The following HK1 variants were observed in gnomAD, a reference collection of about 807,000 sequenced individuals.
HK1 encodes hexokinase 1.
A neutral mutation model predicts 91.6 loss-of-function variants in HK1; 28 were observed. That is an observed-to-expected ratio of 0.31 (90% CI 0.23 to 0.42). HK1 has a LOEUF of 0.42. Ranked by LOEUF, HK1 falls within the 10% of genes least tolerant of loss-of-function variation. HK1 has a pLI of 1.00. For synonymous variants in HK1, 430 were observed against 468.1 expected (o/e 0.92, Z 1.05); for missense variants, 770 against 1,219.8 (o/e 0.63, Z 5.49).
chr10:69,358,239 C>T (rs891523313), intron 2 of HK1, among the ~76,000 whole-genome samples: 4 of 152,108 alleles, frequency 2.6e-5, no homozygotes, highest in African/African-American at 4.8e-5. Context: ...CTGGGAGCAT[C>T]GTGAGGATAA....
chr10:69,295,299 C>T (rs1009165706), intron 3 of HK1, among the ~76,000 whole-genome samples: 2 of 152,200 alleles, frequency 1.3e-5, no homozygotes, highest in African/African-American at 4.8e-5. Flanking sequence ...TACTGACCGG[C>T]ACATCTGTCT....
chr10:69,289,621 G>A lies in HK1; in HGVS notation c.-115+851G>A, dbSNP rs563529937. ...CTAGTAGCTGAAATTACAGGCGTGC[G>A]CCACCATGCCTGGCTAATTTTGTAT... On this transcript the variant is annotated intron_variant, in intron 3 of 21. Coordinates refer to the HK1 transcript ENST00000360289. Among the ~76,000 whole-genome samples, 9 of 151,466 alleles carry A rather than the reference G, an allele frequency of 5.9e-5. No homozygotes were observed. The South Asian group carries it at 1.7e-3, about 28-fold the overall frequency.
rs1846829306 is a variant in HK1 at position 69,318,898 on chromosome 10, G to A, written c.-50G>A. ...GAGGACCACGGCTCGCCAGGGCTGC[G>A]GAGGACCGACCGTCCCCACGCCTGC... On this transcript the variant is annotated 5_prime_UTR_variant, in exon 1 of 18. Transcript: ENST00000359426. 1.3e-6 allele frequency: 2 copies of A among 1,550,660 alleles called. No homozygotes were observed. The highest frequency in any genetic ancestry group is 1.7e-6 in the Non-Finnish European group (2 of 1,149,756).
intron 1 of HK1, 108 bp downstream of exon 1, chr10:69,319,118 CA>C: frequency 7.6e-7 from 1 of 1,321,774 alleles, no homozygotes. Flanking sequence ...TTCTCCGGGC[CA>C]GCATCGAGTT....
intron 4 of HK1, among the ~76,000 whole-genome samples, chr10:69,297,134 AT>A (rs1845605826): frequency 6.6e-6 from 1 of 152,252 alleles, no homozygotes; most frequent in Non-Finnish European, 1.5e-5. Context: ...AGCCTTACTG[AT>A]AACATAAAGT....
chr10:69,377,391 C>G (rs904351342), intron 8 of HK1, among the ~76,000 whole-genome samples: 5 of 151,324 alleles, frequency 3.3e-5, no homozygotes, highest in Admixed American at 3.3e-4. Flanking sequence ...TCCACACACA[C>G]TCAGGGTAAG....
At position 69,377,024 on chromosome 10, in the gene HK1, G is replaced by A. The variant is rs781372387; in HGVS notation, c.966G>A (p.Gly322=). 1.2e-5 allele frequency: 19 copies of A among 1,614,056 alleles called. No homozygotes were observed. In the East Asian group the frequency reaches 1.6e-4, roughly 13 times the overall value. ...CCAAGGAGGGCCTCTTATTTGAAGGGCGGATCACCCCGGAGCTGCTCACCC... is the reference window on the plus strand; with the variant it reads ...CCAAGGAGGGCCTCTTATTTGAAGGACGGATCACCCCGGAGCTGCTCACCC... The part of the protein sequence containing the change: ...KMAKEGLLFE[G]RITPELLTRG... The change falls in exon 8 of 18, where the codon GGG becomes GGA. Residue 322 remains glycine, a synonymous_variant. Coordinates refer to ENST00000359426, the MANE Select transcript of HK1 (RefSeq NM_000188.3).
upstream of HK1, among the ~76,000 whole-genome samples, chr10:69,311,157 ATTAGAC>A (rs1226930463): frequency 6.6e-6 from 1 of 152,082 alleles, no homozygotes; most frequent in Non-Finnish European, 1.5e-5. Flanking sequence ...AATGTTTCTT[ATTAGAC>A]TTAGAGAGTC....
chr10:69,335,613 C>T (rs902590933), intron 1 of HK1, among the ~76,000 whole-genome samples: 4 of 152,242 alleles, frequency 2.6e-5, no homozygotes, highest in Non-Finnish European at 5.9e-5. Context: ...GTTGAGGAAC[C>T]TCCTGGCCAC....
At chr10:69,317,387 A>G (rs936311830), upstream of HK1, among the ~76,000 whole-genome samples, 6 of 152,302 alleles carry the variant, frequency 3.9e-5, no homozygotes, top group East Asian at 1.2e-3. Context: ...TGACCTGGAC[A>G]GGAAGCTGGG....
intron 2 of HK1, among the ~76,000 whole-genome samples, chr10:69,355,808 CG>C (rs1443733559): frequency 2.0e-5 from 3 of 148,754 alleles, no homozygotes; most frequent in African/African-American, 7.4e-5. Context: ...GACTTTGTCT[CG>C]AAAAAAAAAA....
intron 10 of HK1, 98 bp downstream of exon 10, chr10:69,382,889 G>T (rs1295598973): frequency 1.7e-6 from 2 of 1,143,104 alleles, no homozygotes; most frequent in Non-Finnish European, 2.6e-6. Flanking sequence ...CCTTCACACT[G>T]GTGATGCACG....
intron 4 of HK1, 114 bp downstream of exon 4, chr10:69,365,016 T>C (rs568702813): frequency 7.1e-5 from 85 of 1,201,622 alleles, no homozygotes; most frequent in Non-Finnish European, 1.0e-4. Context: ...GCATGTCTGG[T>C]ATTTTTAAAG....
At chr10:69,339,718 C>T (rs902696707) in intron 1 of HK1, among the ~76,000 whole-genome samples, 1 of 152,188 alleles carries the variant, frequency 6.6e-6, no homozygotes, top group African/African-American at 2.4e-5. Flanking sequence ...TGGAGAGCTG[C>T]CTTTTCTAGA....
intron 1 of HK1, among the ~76,000 whole-genome samples, chr10:69,327,002 T>TC: frequency 7.5e-6 from 1 of 133,156 alleles, no homozygotes; most frequent in African/African-American, 3.2e-5. Context: ...GTTTTAAACT[T>TC]TTTTTTTTTT....
chr10:69,285,206 G>A (rs986743012), intron 2 of HK1, among the ~76,000 whole-genome samples: 1 of 152,024 alleles, frequency 6.6e-6, no homozygotes, highest in East Asian at 2.0e-4. Flanking sequence ...AGGCCGAGGT[G>A]GGTGGATCGC....
intron 1 of HK1, among the ~76,000 whole-genome samples, chr10:69,328,781 C>T (rs1398524404): frequency 2.0e-5 from 3 of 152,216 alleles, no homozygotes; most frequent in Non-Finnish European, 2.9e-5. Flanking sequence ...AAAAACTACC[C>T]GTTAGCAGTC....
chr10:69,377,009 C>A lies in HK1; in HGVS notation c.951C>A (p.Gly317=), dbSNP rs747384178. The A allele has an allele frequency of 6.2e-7, 1 of 1,614,122 alleles. No individual in the cohort carries two copies. The highest frequency in any genetic ancestry group is 1.1e-5 in the South Asian group (1 of 91,070). Residue 317 remains glycine, a synonymous_variant, in exon 8 of 18, where the codon GGC becomes GGA. Transcript: ENST00000359426. Reference sequence around the variant, plus strand: ...TCCTAGTCAAGATGGCCAAGGAGGGCCTCTTATTTGAAGGGCGGATCACCC... The same window carrying A: ...TCCTAGTCAAGATGGCCAAGGAGGGACTCTTATTTGAAGGGCGGATCACCC... ...RLILVKMAKE[G]LLFEGRITPE...
At position 69,309,892 on chromosome 10, in the gene HK1, C is replaced by CA. The variant is rs199588982; in HGVS notation, c.27+9039dup. On this transcript the variant is annotated intron_variant, in intron 5 of 21. Coordinates refer to the HK1 transcript ENST00000360289. ...TGACACCCCATCTCTACTAAAAATA[C>CA]AAAAAAAATTAGCCGGGTGTTGTGG... is the stretch of plus-strand genomic sequence containing the variant. Among the ~76,000 whole-genome samples the CA allele has an allele frequency of 9.0e-3, 1,321 of 147,204 alleles. 17 individuals are homozygous for CA. The highest frequency in any genetic ancestry group is 0.057 in the East Asian group (278 of 4,884).
Sources: gnomAD v4.1 joint callset for allele counts (sites outside exome capture counted in the v4.1 genomes callset) on GRCh38, gnomAD v4.1.1 for gene constraint, MANE v1.5 for transcripts, NCBI Gene and HGNC (gene_info 2026-07-23, HGNC 2026-07-21) for gene names.